The following NCF2 variants were observed in gnomAD, a reference collection of about 807,000 sequenced individuals.
NCF2 encodes the protein neutrophil cytosolic factor 2, also known as neutrophil cytosol factor 2.
In NCF2, 45 loss-of-function variants were observed where a neutral mutation model predicts 70.9. The ratio of observed to expected loss-of-function variants is 0.63; its 90% CI spans 0.50 to 0.81. The LOEUF is 0.81. Among genes scored for constraint, NCF2 ranks in the 40% least tolerant of loss-of-function variants. The pLI, the probability that NCF2 is intolerant of heterozygous loss-of-function variation, is 0.00. For synonymous variants in NCF2, 203 were observed against 233.6 expected (o/e 0.87, Z 1.19); for missense variants, 522 against 631.6 (o/e 0.83, Z 1.86).
At chr1:183,567,110 G>A in intron 8 of NCF2, 94 bp downstream of exon 8, 2 of 1,608,072 alleles carry the variant, frequency 1.2e-6, no homozygotes, top group Non-Finnish European at 1.7e-6. Context: ...AACTTGGCTG[G>A]TCTGCAAAGA....
At chr1:183,599,474 C>CTT in the NCF2 span, among the ~76,000 whole-genome samples, 1 of 136,966 alleles carries the variant, frequency 7.3e-6, no homozygotes, top group Non-Finnish European at 1.6e-5. Flanking sequence ...TTCTTTCTTT[C>CTT]TTTCTTTCTC....
Position 183,577,635 on chromosome 1 carries a change from C to T in NCF2, c.330G>A (p.Lys110=), listed in dbSNP as rs1672855755. ...QLRGNQLIDY[K]ILGLQFKLFA... ...ACAGCTTGAACTGGAGCCCCAGGAT[C>T]TTATAGTCTATCAGCTGGTTCCCTC... Residue 110 remains lysine (K), a synonymous_variant, in exon 3 of 15, where the codon AAG becomes AAA. Coordinates refer to ENST00000367535, the MANE Select transcript of NCF2 (RefSeq NM_000433.4). 2 of 1,613,952 alleles carry T rather than the reference C, an allele frequency of 1.2e-6. No individual in the cohort carries two copies. The highest frequency in any genetic ancestry group is 1.7e-5 in the Admixed American group (1 of 59,994).
At chr1:183,599,445 T>TCTTTCTTTCTTTCTTTCTTTC in the NCF2 span, among the ~76,000 whole-genome samples, 2 of 107,392 alleles carry the variant, frequency 1.9e-5, no homozygotes, top group South Asian at 5.8e-4. Context: ...TTTCTTTCTT[T>TCTTTCTTTCTTTCTTTCTTTC]CTTTCTTTCT....
At chr1:183,586,825 G>T in intron 2 of NCF2, 70 bp downstream of exon 2, 1 of 1,421,720 alleles carries the variant, frequency 7.0e-7, no homozygotes, top group Non-Finnish European at 9.9e-7. Context: ...CAAACACCAA[G>T]CCCGCAACAC....
At chr1:183,570,991 T>A in intron 5 of NCF2, 152 bp from the exon 6 acceptor site, 1 of 753,978 alleles carries the variant, frequency 1.3e-6, no homozygotes, top group Non-Finnish European at 2.3e-6. Flanking sequence ...AGCCTCTGGA[T>A]TAGGATTTCA....
At position 183,560,181 on chromosome 1, in the gene NCF2, T is replaced by G; in HGVS notation, c.1383A>C (p.Gln461His). The G allele has an allele frequency of 6.2e-7, 1 of 1,614,222 alleles. No individual in the cohort carries two copies. The highest frequency in any genetic ancestry group is 8.5e-7 in the Non-Finnish European group (1 of 1,180,048). The change falls in exon 14 of 15, where the codon CAA becomes CAC. Residue 461 changes from glutamine (Q) to histidine (H), a missense_variant. Transcript: ENST00000367535. ...CCTCATAACTGAAGAGTGCCTCCAC[T>G]TGGCTGCCTTTCTTAAGCTGAGGTT... ...TTEPQLKKGS[Q>H]VEALFSYEAT...
In NCF2 at chr1:183,563,486, G is replaced by A. The variant is rs777251055; in HGVS notation, c.1126C>T (p.Arg376Trp). ...TCCAGTTTCTTAGACACCATGTCCC[G>A]GACCTGGCTGTAGGGGAGCCCGGGC... ...TQPGLPYSQVRDMVSKKLELR... is the reference protein window; with the variant it reads ...TQPGLPYSQVWDMVSKKLELR... Residue 376 changes from arginine to tryptophan, a missense_variant, in exon 12 of 15, where the codon CGG (arginine) becomes TGG (tryptophan). Transcript: ENST00000367535. 22 of 1,614,002 alleles carry A rather than the reference G, an allele frequency of 1.4e-5. No homozygotes were observed. The highest frequency in any genetic ancestry group is 7.7e-5 in the South Asian group (7 of 91,088).
chr1:183,573,163 GA>G, intron 5 of NCF2, 21 bp downstream of exon 5: 1 of 1,608,520 alleles, frequency 6.2e-7, no homozygotes, highest in Non-Finnish European at 8.5e-7. Context: ...AGACTCAGGG[GA>G]AGCTGAGCAA....
chr1:183,585,093 A>G (rs1029718091), intron 2 of NCF2, among the ~76,000 whole-genome samples: 1 of 152,092 alleles, frequency 6.6e-6, no homozygotes, highest in Non-Finnish European at 1.5e-5. Flanking sequence ...CTGCATCTAC[A>G]TCTTTAAGGT....
In NCF2 at chr1:183,555,998, A is replaced by G; in HGVS notation, c.*120T>C. 2 of 858,952 alleles carry G rather than the reference A, an allele frequency of 2.3e-6. No homozygotes were observed. The highest frequency in any genetic ancestry group is 5.1e-5 in the East Asian group (2 of 38,994). 53.2% of individuals were successfully genotyped at this position (858,952 alleles called of 1,614,324 possible). Reference sequence around the variant, plus strand: ...CTAGTAGGTTAAATTTTAACAGGGAATAAATAGTTAACACTTCCAAACTGT... The same window carrying G: ...CTAGTAGGTTAAATTTTAACAGGGAGTAAATAGTTAACACTTCCAAACTGT... On this transcript the variant is annotated 3_prime_UTR_variant, in exon 15 of 15. Coordinates refer to ENST00000367535, the MANE Select transcript of NCF2 (RefSeq NM_000433.4).
Position 183,566,915 on chromosome 1 carries a change from A to C in NCF2, c.924+5T>G. On this transcript the variant is annotated splice_donor_5th_base_variant and intron_variant, in intron 9 of 14. Coordinates refer to ENST00000367535, the MANE Select transcript of NCF2 (RefSeq NM_000433.4). Reference sequence around the variant, plus strand: ...GAAATGGGTCAGGCCTTGGCATCACATTACCTGGGGCTGCTGCTGAGGGTG... The same window carrying C: ...GAAATGGGTCAGGCCTTGGCATCACCTTACCTGGGGCTGCTGCTGAGGGTG... The C allele has an allele frequency of 6.2e-7, 1 of 1,613,862 alleles. No individual in the cohort carries two copies. Among genetic ancestry groups the C allele is most frequent in the Non-Finnish European group, 8.5e-7 (1 of 1,180,034 alleles).
chr1:183,567,015 A>G, intron 8 of NCF2, 27 bp from the exon 9 acceptor site: 1 of 1,614,064 alleles, frequency 6.2e-7, no homozygotes, highest in Admixed American at 1.7e-5. Context: ...CAGAATCAGA[A>G]AGGAAAAAAT....
intron 14 of NCF2, among the ~76,000 whole-genome samples, chr1:183,559,359 C>G (rs905758416): frequency 7.9e-5 from 12 of 152,278 alleles, no homozygotes; most frequent in Non-Finnish European, 1.5e-4. Flanking sequence ...AAGAAAGTCA[C>G]CAGAGACACA....
At position 183,560,163 on chromosome 1, in the gene NCF2, A is replaced by G. The variant is rs779867537; in HGVS notation, c.1401T>C (p.Ser467=). 1.2e-6 allele frequency: 2 copies of G among 1,614,190 alleles called. No individual in the cohort carries two copies. Among genetic ancestry groups the G allele is most frequent in the Admixed American group, 3.3e-5 (2 of 60,020 alleles). The change falls in exon 14 of 15, where the codon AGT becomes AGC. Residue 467 remains serine, a synonymous_variant. Transcript: ENST00000367535. ...KKGSQVEALF[S]YEATQPEDLE... ...GGTCCTCTGGTTGGGTAGCCTCATA[A>G]CTGAAGAGTGCCTCCACTTGGCTGC... is the stretch of plus-strand genomic sequence containing the variant.
At chr1:183,582,760 T>C (rs1673172678) in intron 2 of NCF2, among the ~76,000 whole-genome samples, 1 of 152,196 alleles carries the variant, frequency 6.6e-6, no homozygotes, top group Non-Finnish European at 1.5e-5. Flanking sequence ...CTCACCCTTA[T>C]TGTCATGCCC....
upstream of NCF2, among the ~76,000 whole-genome samples, chr1:183,593,129 A>AAGTCTTAGCACCTCAGAT (rs11273052): frequency 0.45 from 68,187 of 151,572 alleles, 15,802 homozygotes; most frequent in African/African-American, 0.53. Context: ...ATGTGCATGC[A>AAGTCTTAGCACCTCAGAT]AGTCTTAGCA....
upstream of NCF2, among the ~76,000 whole-genome samples, chr1:183,595,389 G>T (rs944244471): frequency 6.6e-6 from 1 of 152,198 alleles, no homozygotes. Context: ...CTAATCTGTC[G>T]TTGGGTTGGT....
At chr1:183,594,801 T>C (rs1673739972), upstream of NCF2, among the ~76,000 whole-genome samples, 2 of 151,130 alleles carry the variant, frequency 1.3e-5, no homozygotes, top group South Asian at 2.1e-4. Flanking sequence ...CCTTTTTTTT[T>C]CTGAGGAAGA....
Position 183,590,335 on chromosome 1 carries a change from G to A in NCF2, c.-6C>T. 6.2e-7 allele frequency: 1 copy of A among 1,614,126 alleles called. No individual in the cohort carries two copies. The highest frequency in any genetic ancestry group is 8.5e-7 in the Non-Finnish European group (1 of 1,180,008). On this transcript the variant is annotated 5_prime_UTR_variant, in exon 1 of 15. Transcript: ENST00000367535. The stretch of plus-strand genomic sequence containing the variant: ...ATGGCCTCCACCAGGGACATGATTA[G>A]GTAGAAACTAGGAGGCCAAGAGAGC...
Sources: gnomAD v4.1 joint callset for allele counts (sites outside exome capture counted in the v4.1 genomes callset) on GRCh38, gnomAD v4.1.1 for gene constraint, MANE v1.5 for transcripts, NCBI Gene and HGNC (gene_info 2026-07-23, HGNC 2026-07-21) for gene names.